CALN1: variants seen among roughly 807,000 people sequenced by gnomAD.
CALN1 encodes calneuron 1, also known as calcium-binding protein 8.
CALN1 carries 17 observed loss-of-function variants against 30.6 expected under a neutral mutation model. The observed-to-expected ratio is 0.56, with a 90% CI of 0.38 to 0.83. CALN1 has a LOEUF of 0.83. CALN1 is among the 40% of genes least tolerant of loss of function. CALN1 has a pLI of 0.00. For synonymous variants in CALN1, 156 were observed against 131.4 expected, an observed-to-expected ratio of 1.19 and a Z score of -1.28; for missense variants, 291 against 354.9, an observed-to-expected ratio of 0.82 and a Z score of 1.45.
At chr7:72,388,846 A>T (rs1562940207) in intron 2 of CALN1, among the ~76,000 whole-genome samples, 1 of 152,152 alleles carries the variant, frequency 6.6e-6, no homozygotes, top group Non-Finnish European at 1.5e-5. Context: ...GAAGTTCAGA[A>T]CTGGTGCATT....
At chr7:72,154,839 A>C (rs1316211019) in intron 3 of CALN1, among the ~76,000 whole-genome samples, 1 of 152,112 alleles carries the variant, frequency 6.6e-6, no homozygotes, top group African/African-American at 2.4e-5. Context: ...TGAGCCTAGG[A>C]GTTGGAGACC....
intron 2 of CALN1, among the ~76,000 whole-genome samples, chr7:72,352,303 C>G (rs1455125437): frequency 4.7e-5 from 7 of 148,240 alleles, no homozygotes; most frequent in Non-Finnish European, 1.0e-4. Context: ...GCAGGAGAAT[C>G]GCTTGAACCT....
intron 5 of CALN1, among the ~76,000 whole-genome samples, chr7:71,840,603 T>A (rs966422925): frequency 3.3e-5 from 5 of 152,026 alleles, no homozygotes; most frequent in Non-Finnish European, 7.4e-5. Flanking sequence ...TCTTTAGATA[T>A]TAAATTCGGA....
At chr7:72,335,034 T>C (rs1426296077) in intron 2 of CALN1, among the ~76,000 whole-genome samples, 1 of 152,164 alleles carries the variant, frequency 6.6e-6, no homozygotes, top group Non-Finnish European at 1.5e-5. Context: ...CCTGGAGCCC[T>C]GGAATGAATC....
chr7:72,076,869 C>A (rs892287399), intron 4 of CALN1, among the ~76,000 whole-genome samples: 1 of 152,074 alleles, frequency 6.6e-6, no homozygotes, highest in Non-Finnish European at 1.5e-5. Context: ...GAAAACACAT[C>A]GTTCTAAGTG....
chr7:72,118,226 T>C (rs1398779465), intron 3 of CALN1, among the ~76,000 whole-genome samples: 1 of 152,204 alleles, frequency 6.6e-6, no homozygotes, highest in Non-Finnish European at 1.5e-5. Context: ...TGTAACTTAT[T>C]AAGTGGTGAA....
intron 4 of CALN1, among the ~76,000 whole-genome samples, chr7:72,047,068 A>C (rs1049274099): frequency 6.6e-6 from 1 of 152,178 alleles, no homozygotes; most frequent in Non-Finnish European, 1.5e-5. Flanking sequence ...GTCTCAAAAA[A>C]ATAAATAAAT....
intron 5 of CALN1, among the ~76,000 whole-genome samples, chr7:71,852,521 G>A (rs1349223536): frequency 1.3e-5 from 2 of 150,504 alleles, no homozygotes; most frequent in African/African-American, 2.5e-5. Flanking sequence ...GATCCCTTGA[G>A]CTCAGGAGTT....
chr7:72,111,318 G>A (rs183899606), intron 3 of CALN1, among the ~76,000 whole-genome samples: 5 of 152,162 alleles, frequency 3.3e-5, no homozygotes, highest in African/African-American at 7.2e-5. Flanking sequence ...ATATGGAGTC[G>A]CCCAGAATCA....
At chr7:72,224,915 G>A (rs891115762) in intron 3 of CALN1, among the ~76,000 whole-genome samples, 9 of 151,710 alleles carry the variant, frequency 5.9e-5, no homozygotes, top group Admixed American at 3.3e-4. Context: ...GGTGAAACCC[G>A]GTCTCTACTA....
At chr7:71,964,236 A>G (rs915608383) in intron 5 of CALN1, among the ~76,000 whole-genome samples, 1 of 152,144 alleles carries the variant, frequency 6.6e-6, no homozygotes, top group African/African-American at 2.4e-5. Flanking sequence ...CTGCTGCTCA[A>G]ACTCCTAAGG....
At chr7:72,135,221 A>C (rs1171076951) in intron 3 of CALN1, among the ~76,000 whole-genome samples, 2 of 152,194 alleles carry the variant, frequency 1.3e-5, no homozygotes, top group Non-Finnish European at 2.9e-5. Context: ...TTAAATGTTG[A>C]TATTTTGGCC....
intron 5 of CALN1, among the ~76,000 whole-genome samples, chr7:71,953,962 T>C (rs1258385630): frequency 1.3e-5 from 2 of 152,154 alleles, no homozygotes; most frequent in African/African-American, 4.8e-5. Flanking sequence ...TCTCAGTCTC[T>C]CAAAGAAAAG....
At chr7:72,431,950 C>A (rs1376411667) in intron 1 of CALN1, among the ~76,000 whole-genome samples, 2 of 152,102 alleles carry the variant, frequency 1.3e-5, no homozygotes, top group African/African-American at 2.4e-5. Context: ...GAGGAGGCAG[C>A]CAGTCCTATT....
chr7:72,378,743 T>G (rs987042731), intron 2 of CALN1, among the ~76,000 whole-genome samples: 4 of 152,100 alleles, frequency 2.6e-5, no homozygotes, highest in Non-Finnish European at 5.9e-5. Context: ...TTTTTCTGTA[T>G]TTTTAGTAGA....
intron 2 of CALN1, among the ~76,000 whole-genome samples, chr7:72,375,375 C>A (rs1804495703): frequency 6.6e-6 from 1 of 151,640 alleles, no homozygotes; most frequent in African/African-American, 2.4e-5. Context: ...ACAGCCTGGG[C>A]AACATAGTAA....
At chr7:72,445,440 G>A (rs1808499497) in intron 1 of CALN1, among the ~76,000 whole-genome samples, 1 of 152,094 alleles carries the variant, frequency 6.6e-6, no homozygotes, top group African/African-American at 2.4e-5. Context: ...CTTTAAAAAT[G>A]ACCTCAAACC....
chr7:71,898,416 G>A (rs1793669529), intron 5 of CALN1, among the ~76,000 whole-genome samples: 1 of 152,114 alleles, frequency 6.6e-6, no homozygotes, highest in Non-Finnish European at 1.5e-5. Flanking sequence ...CTGATAAAAG[G>A]ATTTAGGAAC....
chr7:72,320,408 T>C (rs1462886374), intron 2 of CALN1, among the ~76,000 whole-genome samples: 1 of 152,042 alleles, frequency 6.6e-6, no homozygotes, highest in African/African-American at 2.4e-5. Flanking sequence ...GCTCCCGGAG[T>C]GGCTCTTATT....
Sources: allele counts gnomAD v4.1 joint callset (sites outside exome capture counted in the v4.1 genomes callset), GRCh38; gene constraint gnomAD v4.1.1; transcripts MANE v1.5; gene names NCBI Gene and HGNC (gene_info 2026-07-23, HGNC 2026-07-21).